MFHAS1: variants seen among roughly 807,000 people sequenced by gnomAD.
MFHAS1 encodes the protein malignant fibrous histiocytoma-amplified sequence 1.
MFHAS1 carries 50 observed loss-of-function variants against 70.4 expected under a neutral mutation model. The observed-to-expected ratio is 0.71, with a 90% CI of 0.57 to 0.90. MFHAS1 has a LOEUF of 0.90. Among genes scored for constraint, MFHAS1 ranks in the 40% least tolerant of loss-of-function variants. MFHAS1 has a pLI of 0.00. For missense variants in MFHAS1, 1,795 were observed against 1,347.6 expected, an observed-to-expected ratio of 1.33 and a Z score of -5.20; for synonymous variants, 952 against 620.0, an observed-to-expected ratio of 1.54 and a Z score of -7.96.
At chr8:8,837,510 C>T (rs550477944) in intron 1 of MFHAS1, among the ~76,000 whole-genome samples, 6 of 152,074 alleles carry the variant, frequency 3.9e-5, no homozygotes, top group Admixed American at 2.6e-4. Context: ...AGCGTGGTGG[C>T]GCACACCTAT....
chr8:8,866,484 A>C (rs750495517), intron 1 of MFHAS1, among the ~76,000 whole-genome samples: 1 of 151,854 alleles, frequency 6.6e-6, no homozygotes, highest in African/African-American at 2.4e-5. Flanking sequence ...ACGCCCAGCT[A>C]ATTTTTTATT....
chr8:8,858,973 C>T (rs528062742), intron 1 of MFHAS1, among the ~76,000 whole-genome samples: 4 of 152,308 alleles, frequency 2.6e-5, no homozygotes, highest in South Asian at 2.1e-4. Context: ...CCAGCTCCAG[C>T]GGATGTTACT....
intron 1 of MFHAS1, among the ~76,000 whole-genome samples, chr8:8,815,141 T>C (rs1040983721): frequency 2.6e-5 from 4 of 152,142 alleles, no homozygotes; most frequent in African/African-American, 4.8e-5. Context: ...CCTGTGTTAG[T>C]TTGCTGAGGA....
intron 2 of MFHAS1, among the ~76,000 whole-genome samples, chr8:8,793,094 CCT>C (rs1322880185): frequency 6.6e-6 from 1 of 152,116 alleles, no homozygotes; most frequent in Non-Finnish European, 1.5e-5. Flanking sequence ...GTTCCTGAAA[CCT>C]CTTCCCAATG....
chr8:8,820,716 T>C (rs1360888372), intron 1 of MFHAS1, among the ~76,000 whole-genome samples: 1 of 152,144 alleles, frequency 6.6e-6, no homozygotes, highest in Non-Finnish European at 1.5e-5. Context: ...TCTGAGATTA[T>C]CTCTAGTCAG....
intron 1 of MFHAS1, among the ~76,000 whole-genome samples, chr8:8,831,752 G>A (rs965233242): frequency 1.3e-5 from 2 of 152,038 alleles, no homozygotes; most frequent in African/African-American, 4.8e-5. Flanking sequence ...GGGATTACAG[G>A]CATGCGCCAC....
chr8:8,810,719 T>A (rs867797646), intron 1 of MFHAS1, among the ~76,000 whole-genome samples: 1 of 152,200 alleles, frequency 6.6e-6, no homozygotes, highest in African/African-American at 2.4e-5. Flanking sequence ...CAGTCAACAA[T>A]AGGCTATCAG....
In MFHAS1 at chr8:8,858,550, A is replaced by G. The variant is rs143953072; in HGVS notation, c.2998+31511T>C. 3.0e-3 allele frequency among the ~76,000 whole-genome samples: 453 copies of G among 152,306 alleles called. 1 individual carries two copies. Among genetic ancestry groups the G allele is most frequent in the African/African-American group, 0.01 (427 of 41,566 alleles). The stretch of plus-strand genomic sequence containing the variant: ...ATTATGCAATGCTATAATTACAACT[A>G]TATTAAAAATATGCCTTTTGGGGGA... On this transcript the variant is annotated intron_variant, in intron 1 of 2. Transcript: ENST00000276282.
Position 8,874,652 on chromosome 8 carries a change from T to A in MFHAS1, c.2998+15409A>T, listed in dbSNP as rs1258717737. ...CTTTTTTTATTTTCAGTTAAAGTTA[T>A]AAGGGTGAAGAATCACTATGTGATT... is the stretch of plus-strand genomic sequence containing the variant. On this transcript the variant is annotated intron_variant, in intron 1 of 2. Transcript: ENST00000276282. Among the ~76,000 whole-genome samples, 3 of 152,180 alleles carry A rather than the reference T, an allele frequency of 2.0e-5. No individual in the cohort carries two copies. In the East Asian group the frequency reaches 5.8e-4, roughly 29 times the overall value.
chr8:8,802,779 G>A (rs1218880542), intron 1 of MFHAS1, among the ~76,000 whole-genome samples: 1 of 152,192 alleles, frequency 6.6e-6, no homozygotes, highest in African/African-American at 2.4e-5. Context: ...GGGTGAAGGA[G>A]CAGGCTGTGC....
At chr8:8,815,495 C>G (rs924916067) in intron 1 of MFHAS1, among the ~76,000 whole-genome samples, 4 of 152,202 alleles carry the variant, frequency 2.6e-5, no homozygotes, top group African/African-American at 9.6e-5. Flanking sequence ...AGTGTAAAAG[C>G]ATTCCTATTT....
At chr8:8,823,616 T>A (rs922818084) in intron 1 of MFHAS1, among the ~76,000 whole-genome samples, 2 of 151,698 alleles carry the variant, frequency 1.3e-5, no homozygotes, top group African/African-American at 4.8e-5. Flanking sequence ...TAGCATGAAG[T>A]AGAACAATCG....
intron 1 of MFHAS1, among the ~76,000 whole-genome samples, chr8:8,848,373 G>A (rs1043328017): frequency 6.8e-6 from 1 of 147,568 alleles, no homozygotes; most frequent in South Asian, 2.2e-4. Flanking sequence ...ATTTTAAAAA[G>A]GGCCAGTCAG....
intron 1 of MFHAS1, among the ~76,000 whole-genome samples, chr8:8,844,822 G>A (rs1257166035): frequency 6.6e-6 from 1 of 152,202 alleles, no homozygotes; most frequent in Non-Finnish European, 1.5e-5. Context: ...TCAAAACAGT[G>A]TCTGGCACAG....
chr8:8,868,666 T>C (rs1808954361), intron 1 of MFHAS1, among the ~76,000 whole-genome samples: 1 of 152,166 alleles, frequency 6.6e-6, no homozygotes, highest in Admixed American at 6.5e-5. Flanking sequence ...GGGCCCTCTC[T>C]AATGAATTAC....
intron 1 of MFHAS1, among the ~76,000 whole-genome samples, chr8:8,857,687 G>A (rs556528914): frequency 6.6e-6 from 1 of 151,828 alleles, no homozygotes; most frequent in African/African-American, 2.4e-5. Context: ...TTGAACCCGG[G>A]AGGCAGAGGT....
At chr8:8,803,964 T>A (rs1294427828) in intron 1 of MFHAS1, among the ~76,000 whole-genome samples, 2 of 152,062 alleles carry the variant, frequency 1.3e-5, no homozygotes, top group Non-Finnish European at 2.9e-5. Flanking sequence ...AGAGTGAGAC[T>A]CTGTCTCAGA....
intron 1 of MFHAS1, among the ~76,000 whole-genome samples, chr8:8,867,878 G>A (rs536864680): frequency 6.6e-6 from 1 of 152,152 alleles, no homozygotes; most frequent in East Asian, 1.9e-4. Flanking sequence ...TACTTTTTTA[G>A]TAACAGGTTA....
intron 1 of MFHAS1, among the ~76,000 whole-genome samples, chr8:8,819,931 C>G (rs1459509080): frequency 2.6e-5 from 4 of 152,146 alleles, no homozygotes; most frequent in African/African-American, 9.6e-5. Flanking sequence ...CTCCTGAGTT[C>G]AAACTATCCT....
Sources: gnomAD v4.1 joint callset for allele counts (sites outside exome capture counted in the v4.1 genomes callset) on GRCh38, gnomAD v4.1.1 for gene constraint, MANE v1.5 for transcripts, NCBI Gene and HGNC (gene_info 2026-07-23, HGNC 2026-07-21) for gene names.